IFT80: variants seen among roughly 807,000 people sequenced by gnomAD.
IFT80 encodes the protein intraflagellar transport 80.
IFT80 carries 79 observed loss-of-function variants against 107.9 expected under a neutral mutation model. The observed-to-expected ratio is 0.73, with a 90% confidence interval of 0.61 to 0.88. The LOEUF (loss-of-function observed/expected upper bound fraction) is 0.88. Among genes scored for constraint, IFT80 ranks in the 40% least tolerant of loss-of-function variants. The pLI, the probability that IFT80 is intolerant of heterozygous loss-of-function variation, is 0.00. For missense variants in IFT80, 797 were observed against 914.2 expected (o/e 0.87, Z 1.65); for synonymous variants, 299 against 300.9 (o/e 0.99, Z 0.07).
intron 18 of IFT80, among the ~76,000 whole-genome samples, chr3:160,274,176 G>A (rs184094830): frequency 6.6e-6 from 1 of 152,278 alleles, no homozygotes; most frequent in East Asian, 1.9e-4. Flanking sequence ...ATAAGATAGG[G>A]AAGTAAAGAT....
chr3:160,259,831 G>C (rs1273542184), intron 19 of IFT80, among the ~76,000 whole-genome samples: 1 of 152,106 alleles, frequency 6.6e-6, no homozygotes, highest in East Asian at 1.9e-4. Context: ...GGAAAAAATT[G>C]GGTCATAGAT....
intron 8 of IFT80, among the ~76,000 whole-genome samples, chr3:160,333,538 G>C (rs1400412529): frequency 6.6e-6 from 1 of 150,964 alleles, no homozygotes; most frequent in Non-Finnish European, 1.5e-5. Context: ...AAAATTTTTT[G>C]TTTTGTTTTT....
chr3:160,272,671 A>C (rs942267510), intron 18 of IFT80, among the ~76,000 whole-genome samples: 3 of 152,132 alleles, frequency 2.0e-5, no homozygotes, highest in Non-Finnish European at 4.4e-5. Flanking sequence ...AGCCATACTC[A>C]TGGCCTCAAC....
At chr3:160,366,722 CAT>C (rs1223072097) in intron 5 of IFT80, among the ~76,000 whole-genome samples, 1 of 151,862 alleles carries the variant, frequency 6.6e-6, no homozygotes, top group Non-Finnish European at 1.5e-5. Flanking sequence ...TTATGGGGCA[CAT>C]GAGATCTTTT....
chr3:160,281,181 A>T (rs890011523), intron 14 of IFT80, among the ~76,000 whole-genome samples: 3 of 151,322 alleles, frequency 2.0e-5, no homozygotes, highest in African/African-American at 7.3e-5. Context: ...TCTACAGGGG[A>T]CCCCTAGTCT....
intron 5 of IFT80, among the ~76,000 whole-genome samples, chr3:160,366,463 T>C (rs1485088562): frequency 6.6e-6 from 1 of 151,998 alleles, no homozygotes; most frequent in African/African-American, 2.4e-5. Context: ...ATAAAATAAA[T>C]ATACTTCATT....
At chr3:160,263,822 G>T (rs1343813873) in intron 19 of IFT80, among the ~76,000 whole-genome samples, 1 of 151,626 alleles carries the variant, frequency 6.6e-6, no homozygotes, top group Non-Finnish European at 1.5e-5. Flanking sequence ...GACTACAGGT[G>T]CATGCCACCA....
At chr3:160,341,631 A>G (rs1344119252) in intron 8 of IFT80, among the ~76,000 whole-genome samples, 1 of 152,258 alleles carries the variant, frequency 6.6e-6, no homozygotes, top group East Asian at 1.9e-4. Flanking sequence ...TTCTTGTCTC[A>G]GCCTTACTGC....
At chr3:160,354,434 G>C (rs1023685195) in intron 8 of IFT80, among the ~76,000 whole-genome samples, 1 of 152,056 alleles carries the variant, frequency 6.6e-6, no homozygotes, top group Non-Finnish European at 1.5e-5. Flanking sequence ...TGGATCACTA[G>C]GTCAGGAGAT....
Position 160,301,040 on chromosome 3 carries a change from A to T in IFT80, c.1158T>A (p.Phe386Leu), listed in dbSNP as rs755957651. ...VSLILQAERH[F>L]LLVDGSSIYL... ...AGATACTACTACCATCTACAAGAAG[A>T]AAATGTCTAAAAAATAAAGAATAGA... is the stretch of plus-strand genomic sequence containing the variant. The change falls in exon 12 of 20, where the codon TTT becomes TTA. Residue 386 changes from phenylalanine to leucine, a missense_variant. Transcript: ENST00000326448. 21 of 1,569,692 alleles carry T rather than the reference A, an allele frequency of 1.3e-5. No individual in the cohort carries two copies. Among genetic ancestry groups the T allele is most frequent in the Middle Eastern group, 3.4e-4 (2 of 5,942 alleles).
At chr3:160,358,255 C>G (rs1190857682) in intron 6 of IFT80, among the ~76,000 whole-genome samples, 1 of 152,018 alleles carries the variant, frequency 6.6e-6, no homozygotes, top group Non-Finnish European at 1.5e-5. Context: ...TCAAGTAATC[C>G]TCCTGCCTTG....
chr3:160,344,257 T>C (rs998310076), intron 8 of IFT80, among the ~76,000 whole-genome samples: 1 of 152,196 alleles, frequency 6.6e-6, no homozygotes, highest in Non-Finnish European at 1.5e-5. Flanking sequence ...ATAATTTCTA[T>C]CCTTTTACTG....
At chr3:160,309,270 G>A (rs1274976524) in intron 9 of IFT80, among the ~76,000 whole-genome samples, 1 of 152,080 alleles carries the variant, frequency 6.6e-6, no homozygotes, top group East Asian at 1.9e-4. Flanking sequence ...GCAAAAGACT[G>A]GAAATAGCCT....
At chr3:160,376,250 G>A (rs757701314) in intron 4 of IFT80, among the ~76,000 whole-genome samples, 42 of 152,292 alleles carry the variant, frequency 2.8e-4, no homozygotes, top group Non-Finnish European at 4.4e-4. Flanking sequence ...AATAAGAAGA[G>A]CTGCAGCCAA....
Position 160,367,878 on chromosome 3 carries a change from C to T in IFT80, c.440-1726G>A, listed in dbSNP as rs183757933. Reference sequence around the variant, plus strand: ...ATATTTATTGAAAGCATTGGTTATACGGCAGTAAATAATCTGTTTTCCACT... The same window carrying T: ...ATATTTATTGAAAGCATTGGTTATATGGCAGTAAATAATCTGTTTTCCACT... On this transcript the variant is annotated intron_variant, in intron 5 of 19. Transcript: ENST00000326448. Among the ~76,000 whole-genome samples, 359 of 152,020 alleles carry T rather than the reference C, an allele frequency of 2.4e-3. 3 individuals are homozygous for T. The highest frequency in any genetic ancestry group is 7.9e-3 in the African/African-American group (327 of 41,524).
chr3:160,258,687 T>C (rs1316807806), intron 19 of IFT80, 52 bp from the exon 20 acceptor site: 1 of 1,592,738 alleles, frequency 6.3e-7, no homozygotes, highest in Non-Finnish European at 8.5e-7. Context: ...TAAGACATTT[T>C]TGTTTACTCC....
chr3:160,358,997 G>A (rs754641215), intron 6 of IFT80, among the ~76,000 whole-genome samples: 64 of 152,070 alleles, frequency 4.2e-4, no homozygotes, highest in Non-Finnish European at 7.9e-4. Context: ...GACCAAGTTC[G>A]AAGTGTTGAG....
At chr3:160,345,129 T>C (rs1275672101) in intron 8 of IFT80, among the ~76,000 whole-genome samples, 1 of 152,168 alleles carries the variant, frequency 6.6e-6, no homozygotes, top group East Asian at 1.9e-4. Context: ...ATCCAAGAGC[T>C]ATCTCCATGT....
At chr3:160,381,353 C>T in intron 3 of IFT80, 150 bp downstream of exon 3, 1 of 678,250 alleles carries the variant, frequency 1.5e-6, no homozygotes, top group South Asian at 1.8e-5. Flanking sequence ...CATACACAAA[C>T]CAAGTGACTA....
Sources: gnomAD v4.1 joint callset for allele counts (sites outside exome capture counted in the v4.1 genomes callset) on GRCh38, gnomAD v4.1.1 for gene constraint, MANE v1.5 for transcripts, NCBI Gene and HGNC (gene_info 2026-07-23, HGNC 2026-07-21) for gene names.